The following RTF1 variants were observed in gnomAD, a reference collection of about 807,000 sequenced individuals.
The protein encoded by RTF1 is RNA polymerase-associated protein RTF1 homolog.
RTF1 carries 10 observed loss-of-function variants against 95.7 expected under a neutral mutation model. That is an observed-to-expected ratio of 0.10 (90% confidence interval 0.06 to 0.18). The LOEUF is 0.18. Ranked by LOEUF, RTF1 falls within the 10% of genes least tolerant of loss-of-function variation. The probability of loss-of-function intolerance (pLI) is 1.00; values close to 1 mark genes in which losing one functional copy is unlikely to be tolerated. For synonymous variants in RTF1, 305 were observed against 311.8 expected, an observed-to-expected ratio of 0.98 and a Z score of 0.23; for missense variants, 458 against 875.6, an observed-to-expected ratio of 0.52 and a Z score of 6.02.
At chr15:41,471,400 C>A in intron 8 of RTF1, 51 bp downstream of exon 8, 1 of 1,545,226 alleles carries the variant, frequency 6.5e-7, no homozygotes, top group South Asian at 1.2e-5. Flanking sequence ...TATAATTAGT[C>A]TCAACTGAGG....
chr15:41,417,966 A>G (rs1480751891), intron 1 of RTF1, among the ~76,000 whole-genome samples: 1 of 152,160 alleles, frequency 6.6e-6, no homozygotes. Context: ...GAGGGCAGAT[A>G]CTGGAAGAAA....
chr15:41,449,391 C>T (rs544715606), intron 2 of RTF1, among the ~76,000 whole-genome samples: 35 of 152,122 alleles, frequency 2.3e-4, no homozygotes, highest in East Asian at 9.6e-4. Flanking sequence ...CCACCATGCC[C>T]GGCTAATTTT....
intron 1 of RTF1, 118 bp from the exon 2 acceptor site, chr15:41,438,203 G>C: frequency 1.8e-6 from 1 of 570,466 alleles, no homozygotes; most frequent in Non-Finnish European, 3.0e-6. Context: ...CTGTGACAAT[G>C]TCCTTTAGTT....
At chr15:41,462,878 C>T (rs911971401) in intron 4 of RTF1, among the ~76,000 whole-genome samples, 4 of 152,102 alleles carry the variant, frequency 2.6e-5, no homozygotes, top group Non-Finnish European at 4.4e-5. Context: ...ACCTCAGCCT[C>T]CCAAGTAGCT....
At chr15:41,450,651 TA>T (rs2050785600) in intron 2 of RTF1, among the ~76,000 whole-genome samples, 1 of 148,684 alleles carries the variant, frequency 6.7e-6, no homozygotes. Context: ...AACTCAGACT[TA>T]AAAGGGAAGC....
intron 4 of RTF1, among the ~76,000 whole-genome samples, chr15:41,461,141 C>T (rs2050846244): frequency 1.3e-5 from 2 of 151,172 alleles, no homozygotes; most frequent in Non-Finnish European, 2.9e-5. Flanking sequence ...CTCCCGGGTT[C>T]AAGCAATTCT....
intron 1 of RTF1, among the ~76,000 whole-genome samples, chr15:41,424,042 C>T (rs548094633): frequency 1.2e-4 from 18 of 152,292 alleles, no homozygotes. Context: ...GCATGAGCCA[C>T]CGCATCCGGC....
chr15:41,449,792 C>A (rs545660364), intron 2 of RTF1, among the ~76,000 whole-genome samples: 41 of 151,852 alleles, frequency 2.7e-4, no homozygotes, highest in Non-Finnish European at 3.8e-4. Context: ...ATAGTGAGAC[C>A]TCATCATAAA....
chr15:41,464,871 A>C lies in RTF1; in HGVS notation c.763A>C (p.Ile255Leu), dbSNP rs1185233705. The C allele has an allele frequency of 3.3e-6, 5 of 1,530,806 alleles. No individual in the cohort carries two copies. The African/African-American group carries it at 7.0e-5, about 21-fold the overall frequency. The allele number at this position is 1,530,806 out of a possible 1,614,324, so 94.8% of individuals were successfully genotyped here. ...GCAAGAAAAGAAAAAACTGACACAG[A>C]TTCAAGAATCTCAGGTAGGAGATTC... is the stretch of plus-strand genomic sequence containing the variant. ...EEQEKKKLTQ[I>L]QESQVTSHNK... Residue 255 changes from isoleucine to leucine, a missense_variant, in exon 5 of 18, where the codon ATT becomes CTT. Ile to Leu is a conservative substitution (Grantham distance 5, BLOSUM62 2). Coordinates refer to ENST00000389629, the MANE Select transcript of RTF1 (RefSeq NM_015138.5).
chr15:41,456,535 G>A (rs1429406446), intron 3 of RTF1, among the ~76,000 whole-genome samples: 1 of 148,918 alleles, frequency 6.7e-6, no homozygotes, highest in Non-Finnish European at 1.5e-5. Flanking sequence ...AGTGGCTCAC[G>A]CCTGTAATTC....
At chr15:41,457,971 A>G (rs1315726475) in intron 4 of RTF1, 95 bp downstream of exon 4, 4 of 889,080 alleles carry the variant, frequency 4.5e-6, no homozygotes, top group African/African-American at 3.6e-5. Context: ...TGACCTACAC[A>G]TGGAGACTGG....
chr15:41,455,150 C>T (rs1264114975), intron 3 of RTF1, among the ~76,000 whole-genome samples: 1 of 151,806 alleles, frequency 6.6e-6, no homozygotes, highest in African/African-American at 2.4e-5. Context: ...CCCGTCTCTA[C>T]TAAAAATACA....
intron 3 of RTF1, among the ~76,000 whole-genome samples, chr15:41,457,446 T>C (rs554777848): frequency 6.6e-6 from 1 of 151,644 alleles, no homozygotes; most frequent in African/African-American, 2.4e-5. Flanking sequence ...GGCAGGAGAA[T>C]CGCTTGAACC....
chr15:41,471,240 C>T lies in RTF1; in HGVS notation c.1094C>T (p.Ser365Leu). The T allele has an allele frequency of 6.2e-7, 1 of 1,613,810 alleles. No individual in the cohort carries two copies. The highest frequency in any genetic ancestry group is 8.5e-7 in the Non-Finnish European group (1 of 1,179,954). The change falls in exon 8 of 18, where the codon TCA becomes TTA. Residue 365 changes from serine (S) to leucine (L), a missense_variant. Physicochemically the swap from Ser to Leu is moderately radical, Grantham distance 145. Coordinates refer to ENST00000389629, the MANE Select transcript of RTF1 (RefSeq NM_015138.5). ...GAAGAATTGAATCGGGTTCGATTAT[C>T]ACGGCATAAGCTAGAACGCTGGTGT... Reference protein sequence around the residue: ...LPEELNRVRLSRHKLERWCHM... With the variant: ...LPEELNRVRLLRHKLERWCHM...
chr15:41,429,910 C>G (rs189747067), intron 1 of RTF1, among the ~76,000 whole-genome samples: 46 of 151,940 alleles, frequency 3.0e-4, no homozygotes, highest in Admixed American at 2.8e-3. Flanking sequence ...TTGTTTGTCT[C>G]CCATACTTGA....
intron 1 of RTF1, among the ~76,000 whole-genome samples, chr15:41,428,605 C>T (rs540441737): frequency 1.7e-4 from 25 of 150,680 alleles, no homozygotes; most frequent in Admixed American, 6.0e-4. Flanking sequence ...CAGGGTCTCA[C>T]TCTGTTACCC....
chr15:41,424,737 G>A (rs908507587), intron 1 of RTF1, among the ~76,000 whole-genome samples: 9 of 152,178 alleles, frequency 5.9e-5, no homozygotes, highest in Non-Finnish European at 1.0e-4. Flanking sequence ...TTGGCCAGGC[G>A]CAGTGGCTCA....
chr15:41,453,079 A>T (rs2050796378), intron 3 of RTF1, 31 bp downstream of exon 3: 1 of 1,522,654 alleles, frequency 6.6e-7, no homozygotes. Flanking sequence ...CTGGAAGGTC[A>T]ACTCCCACTC....
intron 6 of RTF1, among the ~76,000 whole-genome samples, chr15:41,466,990 T>A (rs1325034918): frequency 6.6e-6 from 1 of 152,200 alleles, no homozygotes; most frequent in Non-Finnish European, 1.5e-5. Context: ...TGGGGAAGGC[T>A]GATTTTTAGG....
Sources: gnomAD v4.1 joint callset for allele counts (sites outside exome capture counted in the v4.1 genomes callset) on GRCh38, gnomAD v4.1.1 for gene constraint, MANE v1.5 for transcripts, NCBI Gene and HGNC (gene_info 2026-07-23, HGNC 2026-07-21) for gene names.